The following DPP10 variants were observed in gnomAD, a reference collection of about 807,000 sequenced individuals.
The protein encoded by DPP10 is dipeptidyl peptidase like 10, also known as inactive dipeptidyl peptidase 10.
DPP10 carries 33 observed loss-of-function variants against 120.9 expected under a neutral mutation model. The ratio of observed to expected loss-of-function variants is 0.27; its 90% CI spans 0.21 to 0.37. The LOEUF is 0.37. DPP10 is among the 10% of genes least tolerant of loss of function. The probability of loss-of-function intolerance (pLI) is 1.00; values close to 1 mark genes in which losing one functional copy is unlikely to be tolerated. For missense variants in DPP10, 816 were observed against 942.8 expected (o/e 0.87, Z 1.76); for synonymous variants, 337 against 326.1 (o/e 1.03, Z -0.36).
chr2:115,530,426 T>A (rs908291678), intron 5 of DPP10, among the ~76,000 whole-genome samples: 2 of 152,126 alleles, frequency 1.3e-5, no homozygotes, highest in African/African-American at 2.4e-5. Flanking sequence ...AAGAATCATA[T>A]GCTGGGCTTT....
intron 3 of DPP10, among the ~76,000 whole-genome samples, chr2:115,419,067 C>A (rs1369151895): frequency 2.0e-5 from 3 of 152,074 alleles, no homozygotes; most frequent in African/African-American, 7.2e-5. Context: ...CTAAAAAGTA[C>A]CTTTACAGCA....
chr2:115,777,404 C>G (rs1458783525), intron 14 of DPP10, 105 bp downstream of exon 14: 1 of 970,788 alleles, frequency 1.0e-6, no homozygotes, highest in Non-Finnish European at 1.6e-6. Context: ...TCAAAACAAG[C>G]CAGCCATGGA....
intron 1 of DPP10, among the ~76,000 whole-genome samples, chr2:115,219,478 A>G (rs968423517): frequency 6.6e-6 from 1 of 151,964 alleles, no homozygotes; most frequent in Non-Finnish European, 1.5e-5. Context: ...ATACACCTCC[A>G]CTCTTACTAC....
At position 114,741,401 on chromosome 2, in the gene DPP10, G is replaced by C. The variant is rs1678048770; in HGVS notation, c.60+298563G>C. Among the ~76,000 whole-genome samples, 3 of 152,276 alleles carry C rather than the reference G, an allele frequency of 2.0e-5. No individual in the cohort carries two copies. In the South Asian group the frequency reaches 6.2e-4, roughly 32 times the overall value. ...TGGATGGGTGCTAATGATGGAGAGA[G>C]TGTCAAGGAGAAAGGAGGTGTTGGG... On this transcript the variant is annotated intron_variant, in intron 1 of 25. Transcript: ENST00000410059.
At chr2:115,153,821 C>A (rs2051722864) in intron 1 of DPP10, among the ~76,000 whole-genome samples, 1 of 152,142 alleles carries the variant, frequency 6.6e-6, no homozygotes, top group African/African-American at 2.4e-5. Context: ...TCCTACCCCT[C>A]CCCCATACTA....
chr2:115,782,296 A>G, intron 16 of DPP10, 56 bp from the exon 17 acceptor site: 1 of 1,468,964 alleles, frequency 6.8e-7, no homozygotes, highest in Non-Finnish European at 9.4e-7. Context: ...AAACTTTCTA[A>G]TGATTATTAC....
intron 1 of DPP10, among the ~76,000 whole-genome samples, chr2:114,572,844 T>C (rs1689761108): frequency 1.3e-5 from 2 of 152,234 alleles, no homozygotes; most frequent in South Asian, 4.1e-4. Flanking sequence ...GAGATTCATA[T>C]CACAGCTTTT....
At position 115,067,672 on chromosome 2, in the gene DPP10, G is replaced by T. The variant is rs528145484; in HGVS notation, c.61-241567G>T. Among the ~76,000 whole-genome samples, 3 of 146,758 alleles carry T rather than the reference G, an allele frequency of 2.0e-5. No individual in the cohort carries two copies. The South Asian group carries it at 6.7e-4, about 33-fold the overall frequency. ...AGGTCAGGAGATGGAGACCATCCTGGCTAACACGGTGAAACCCCGTCTCTA... is the reference window on the plus strand; with the variant it reads ...AGGTCAGGAGATGGAGACCATCCTGTCTAACACGGTGAAACCCCGTCTCTA... On this transcript the variant is annotated intron_variant, in intron 1 of 25. Transcript: ENST00000410059.
chr2:115,188,086 C>T (rs909851574), intron 1 of DPP10, among the ~76,000 whole-genome samples: 5 of 134,700 alleles, frequency 3.7e-5, no homozygotes, highest in Non-Finnish European at 8.0e-5. Context: ...AGAGAGAGAG[C>T]GCACTCAGGA....
At chr2:114,893,323 T>C (rs1692693973) in intron 1 of DPP10, among the ~76,000 whole-genome samples, 1 of 152,192 alleles carries the variant, frequency 6.6e-6, no homozygotes, top group African/African-American at 2.4e-5. Context: ...AAAGCAGTGT[T>C]AACCTTACCA....
chr2:115,257,250 A>G (rs1393591041), intron 1 of DPP10, among the ~76,000 whole-genome samples: 1 of 152,134 alleles, frequency 6.6e-6, no homozygotes, highest in Non-Finnish European at 1.5e-5. Flanking sequence ...ATTTTTAGCA[A>G]TACCCCACTC....
At chr2:114,824,554 T>C (rs1318761285) in intron 1 of DPP10, among the ~76,000 whole-genome samples, 3 of 152,094 alleles carry the variant, frequency 2.0e-5, no homozygotes, top group African/African-American at 7.2e-5. Context: ...TCAAAATCAA[T>C]GGATTCAGCA....
chr2:114,828,024 A>G (rs1686721572), intron 1 of DPP10, among the ~76,000 whole-genome samples: 1 of 152,144 alleles, frequency 6.6e-6, no homozygotes, highest in Non-Finnish European at 1.5e-5. Context: ...TTATTTATTT[A>G]TTCATTTTGT....
In DPP10 at chr2:115,842,636, C is replaced by T. The variant is rs543223127; in HGVS notation, c.*291C>T. On this transcript the variant is annotated 3_prime_UTR_variant, in exon 26 of 26. Transcript: ENST00000410059. ...TAGTGCATGTTTTCTTCTGTTATCC[C>T]CCTGTTTGTTCTGTAACTAGTTGCT... The T allele has an allele frequency of 8.7e-4, 202 of 232,958 alleles. 1 individual carries two copies. Among genetic ancestry groups the T allele is most frequent in the Middle Eastern group, 1.3e-3 (1 of 760 alleles). The allele number at this position is 232,958 out of a possible 1,614,324, so 14.4% of individuals were successfully genotyped here. A position where few individuals can be genotyped will look rare whatever the true frequency, so the allele number is the denominator to read the frequency against.
chr2:115,222,999 T>C (rs1011162585), intron 1 of DPP10, among the ~76,000 whole-genome samples: 3 of 152,162 alleles, frequency 2.0e-5, no homozygotes, highest in African/African-American at 7.2e-5. Flanking sequence ...AAATGGATTT[T>C]GACTAATACA....
intron 5 of DPP10, among the ~76,000 whole-genome samples, chr2:115,595,134 A>G (rs2082909710): frequency 6.6e-6 from 1 of 152,140 alleles, no homozygotes; most frequent in South Asian, 2.1e-4. Context: ...GATGTCAAAA[A>G]TTAGGCAAAT....
At chr2:114,518,623 G>T (rs1263378400) in intron 1 of DPP10, among the ~76,000 whole-genome samples, 1 of 152,146 alleles carries the variant, frequency 6.6e-6, no homozygotes, top group African/African-American at 2.4e-5. Context: ...TGTTTCTCCA[G>T]CTGTCCTCCC....
chr2:115,766,310 G>GTGTGTGTGTATATATATA (rs1371625141), intron 12 of DPP10, among the ~76,000 whole-genome samples: 2 of 81,744 alleles, frequency 2.4e-5, no homozygotes, highest in African/African-American at 4.3e-5. Context: ...GTGTGTGTGT[G>GTGTGTGTGTATATATATA]TATATATATA....
intron 1 of DPP10, among the ~76,000 whole-genome samples, chr2:114,961,889 G>T (rs149165334): frequency 6.6e-6 from 1 of 152,178 alleles, no homozygotes; most frequent in Non-Finnish European, 1.5e-5. Flanking sequence ...GGGAAGCAAA[G>T]GTTGCCGTTA....
Sources: gnomAD v4.1 joint callset for allele counts (sites outside exome capture counted in the v4.1 genomes callset) on GRCh38, gnomAD v4.1.1 for gene constraint, MANE v1.5 for transcripts, NCBI Gene and HGNC (gene_info 2026-07-23, HGNC 2026-07-21) for gene names.